ZFP91: variants seen among roughly 807,000 people sequenced by gnomAD.
ZFP91 encodes ZFP91 zinc finger protein, atypical E3 ubiquitin ligase.
In ZFP91, 7 loss-of-function variants were observed where a neutral mutation model predicts 63.5. The observed-to-expected ratio is 0.11, with a 90% CI of 0.06 to 0.21. The LOEUF (loss-of-function observed/expected upper bound fraction) is 0.21. ZFP91 is among the 10% of genes least tolerant of loss of function. The pLI is 1.00. For synonymous variants in ZFP91, 330 were observed against 272.1 expected, an observed-to-expected ratio of 1.21 and a Z score of -2.10; for missense variants, 628 against 736.6, an observed-to-expected ratio of 0.85 and a Z score of 1.71.
chr11:58,579,640 A>C lies in ZFP91; in HGVS notation c.341+18A>C, dbSNP rs763578314. 9 of 1,535,590 alleles carry C rather than the reference A, an allele frequency of 5.9e-6. No homozygotes were observed. Among genetic ancestry groups the C allele is most frequent in the Non-Finnish European group, 7.8e-6 (9 of 1,148,612 alleles). On this transcript the variant is annotated intron_variant, in intron 1 of 10. Coordinates refer to ENST00000316059, the MANE Select transcript of ZFP91 (RefSeq NM_053023.5). ...CGACTCCTGTGAGTAACAGTCTTTC[A>C]GGCGGTGGGAAAGACCCCCCTCTGT... is the stretch of plus-strand genomic sequence containing the variant.
Position 58,579,392 on chromosome 11 carries a change from C to G in ZFP91, c.111C>G (p.Val37=). Residue 37 remains valine, a synonymous_variant, in exon 1 of 11, where the codon GTC becomes GTG. Transcript: ENST00000316059. ...CCCAACAACGGCCCCCTGAGGCGGT[C>G]GCGGCGGCGCCTGCAGGGACCACTA... ...EEPQQRPPEA[V]AAAPAGTTSS... 6.8e-7 allele frequency: 1 copy of G among 1,473,824 alleles called. No homozygotes were observed. The highest frequency in any genetic ancestry group is 1.3e-5 in the South Asian group (1 of 76,552). The allele number at this position is 1,473,824 out of a possible 1,614,324, so 91.3% of individuals were successfully genotyped here. A position where few individuals can be genotyped will look rare whatever the true frequency, so the allele number is the denominator to read the frequency against.
At chr11:58,606,081 G>A (rs940322774) in intron 2 of ZFP91, among the ~76,000 whole-genome samples, 29 of 151,888 alleles carry the variant, frequency 1.9e-4, no homozygotes, top group Admixed American at 1.7e-3. Context: ...TTGTGGGGGG[G>A]GTGTGGTTTC....
chr11:58,586,138 T>G (rs969953561), intron 2 of ZFP91, among the ~76,000 whole-genome samples: 1 of 152,200 alleles, frequency 6.6e-6, no homozygotes, highest in Non-Finnish European at 1.5e-5. Flanking sequence ...TTTGGAGATT[T>G]TATGATGTGG....
At position 58,617,086 on chromosome 11, in the gene ZFP91, G is replaced by A. The variant is rs1344391260; in HGVS notation, c.1203-110G>A. On this transcript the variant is annotated intron_variant, in intron 10 of 10. Transcript: ENST00000316059. The surrounding 1 kb of genome is among the most constrained non-coding windows in gnomAD (Gnocchi z 4.2). ...TACTGATTATTGTGTGTGTGTGTGT[G>A]TGTGTGTGTGTGTATGTATATATAT... The A allele has an allele frequency of 2.1e-6, 2 of 959,280 alleles. No homozygotes were observed. The highest frequency in any genetic ancestry group is 2.6e-5 in the Admixed American group (1 of 38,214). 59.4% of individuals were successfully genotyped at this position (959,280 alleles called of 1,614,324 possible).
At position 58,618,680 on chromosome 11, in the gene ZFP91, A is replaced by G; in HGVS notation, c.*974A>G. On this transcript the variant is annotated 3_prime_UTR_variant, in exon 11 of 11. Transcript: ENST00000316059. ...CTTCCATAACAGGTACTTTGAAGGCAAGACATAGGGTTGAAGAAGCACAGC... is the reference window on the plus strand; with the variant it reads ...CTTCCATAACAGGTACTTTGAAGGCGAGACATAGGGTTGAAGAAGCACAGC... 2.2e-6 allele frequency: 1 copy of G among 456,918 alleles called. No individual in the cohort carries two copies. Among genetic ancestry groups the G allele is most frequent in the South Asian group, 1.5e-5 (1 of 64,550 alleles). 28.3% of individuals were successfully genotyped at this position (456,918 alleles called of 1,614,324 possible).
At chr11:58,581,349 G>A (rs573077104) in intron 1 of ZFP91, among the ~76,000 whole-genome samples, 25 of 152,208 alleles carry the variant, frequency 1.6e-4, no homozygotes, top group African/African-American at 5.5e-4. Flanking sequence ...TGTCTAAAAT[G>A]GTACCTGCTG....
At chr11:58,586,199 A>G (rs928190010) in intron 2 of ZFP91, among the ~76,000 whole-genome samples, 4 of 152,212 alleles carry the variant, frequency 2.6e-5, no homozygotes, top group Non-Finnish European at 5.9e-5. Flanking sequence ...TTAAAACAAA[A>G]AGCAACCTGC....
rs748235828 is a variant in ZFP91 at position 58,579,613 on chromosome 11, C to G, written c.332C>G (p.Pro111Arg). 6.4e-7 allele frequency: 1 copy of G among 1,570,798 alleles called. No homozygotes were observed. Among genetic ancestry groups the G allele is most frequent in the South Asian group, 1.1e-5 (1 of 87,558 alleles). ...TCTCCAGTTCAGGGCAAGAAGAGTC[C>G]GCGACTCCTGTGAGTAACAGTCTTT... is the stretch of plus-strand genomic sequence containing the variant. ...SPSPVQGKKS[P>R]RLLCIEKVTT... The change falls in exon 1 of 11, where the codon CCG (proline) becomes CGG (arginine). Residue 111 changes from proline (P) to arginine (R), a missense_variant. By Grantham distance (103) the Pro-to-Arg change is moderately radical. Around this residue, in one of 3 missense-constraint regions of ZFP91, gnomAD observed 437 missense variants for 380.3 expected, o/e 1.15. Transcript: ENST00000316059.
At chr11:58,589,615 C>A (rs1456036949) in intron 2 of ZFP91, among the ~76,000 whole-genome samples, 1 of 152,198 alleles carries the variant, frequency 6.6e-6, no homozygotes, top group African/African-American at 2.4e-5. Flanking sequence ...AATGTTCAAG[C>A]CTCAAAGGCT....
chr11:58,581,471 C>T (rs1855115177), intron 1 of ZFP91, among the ~76,000 whole-genome samples: 1 of 152,178 alleles, frequency 6.6e-6, no homozygotes, highest in African/African-American at 2.4e-5. Flanking sequence ...AGCAATTCTC[C>T]TGCCTCGTCA....
intron 2 of ZFP91, among the ~76,000 whole-genome samples, chr11:58,604,554 G>C (rs1339028259): frequency 1.3e-5 from 2 of 152,152 alleles, no homozygotes; most frequent in African/African-American, 2.4e-5. Flanking sequence ...CATTATTTCA[G>C]CTCTCTCTTG....
At chr11:58,602,201 G>T (rs1429916013) in intron 2 of ZFP91, among the ~76,000 whole-genome samples, 1 of 152,194 alleles carries the variant, frequency 6.6e-6, no homozygotes, top group Admixed American at 6.5e-5. Flanking sequence ...GGGATTACAG[G>T]TGTGAGCCAC....
rs1855813802 is a variant in ZFP91 at position 58,619,651 on chromosome 11, C to G, written c.*1945C>G. The G allele has an allele frequency of 6.6e-6, 1 of 152,572 alleles. No homozygotes were observed. The allele number at this position is 152,572 out of a possible 1,614,324, so 9.5% of individuals were successfully genotyped here. ...TGCCAGGGAACAGAGAGTGAGACAC[C>G]TACAATCACCAGTCTCAAATGCGCT... On this transcript the variant is annotated 3_prime_UTR_variant, in exon 11 of 11. Coordinates refer to ENST00000316059, the MANE Select transcript of ZFP91 (RefSeq NM_053023.5).
In ZFP91 at chr11:58,609,812, G is replaced by GT; in HGVS notation, c.371-17dup. On this transcript the variant is annotated splice_polypyrimidine_tract_variant and intron_variant, in intron 2 of 10. Coordinates refer to ENST00000316059, the MANE Select transcript of ZFP91 (RefSeq NM_053023.5). ...GTTAACTGTAAACTTAAAGAGAATG[G>GT]TATGTCTTTTTATTTAGATCCCAAG... 6.2e-7 allele frequency: 1 copy of GT among 1,607,420 alleles called. No homozygotes were observed. The highest frequency in any genetic ancestry group is 2.2e-5 in the East Asian group (1 of 44,830).
At chr11:58,599,654 G>T (rs1195762194) in intron 2 of ZFP91, among the ~76,000 whole-genome samples, 1 of 151,874 alleles carries the variant, frequency 6.6e-6, no homozygotes, top group Non-Finnish European at 1.5e-5. Flanking sequence ...GAAATAATCT[G>T]TTTAGGTTCT....
In ZFP91 at chr11:58,611,622, G is replaced by A. The variant is rs2093963600; in HGVS notation, c.741G>A (p.Arg247=). ...TTTTCAGGGAAACCCCAAAGCCACG[G>A]AGAAAATCAGGGAAGGTAAAAGAAG... The part of the protein sequence containing the change: ...PHLERETPKP[R]RKSGKVKEEK... The change falls in exon 6 of 11, where the codon CGG becomes CGA. Residue 247 remains arginine (R), a synonymous_variant. Coordinates refer to ENST00000316059, the MANE Select transcript of ZFP91 (RefSeq NM_053023.5). 6.2e-7 allele frequency: 1 copy of A among 1,612,418 alleles called. No homozygotes were observed. The highest frequency in any genetic ancestry group is 1.3e-5 in the African/African-American group (1 of 74,852).
Position 58,617,793 on chromosome 11 carries a change from ATC to A in ZFP91, c.*89_*90del, listed in dbSNP as rs1424215648. The A allele has an allele frequency of 7.0e-7, 1 of 1,431,388 alleles. No individual in the cohort carries two copies. The highest frequency in any genetic ancestry group is 2.5e-5 in the East Asian group (1 of 39,978). The allele number at this position is 1,431,388 out of a possible 1,614,324, so 88.7% of individuals were successfully genotyped here. On this transcript the variant is annotated 3_prime_UTR_variant, in exon 11 of 11. Coordinates refer to ENST00000316059, the MANE Select transcript of ZFP91 (RefSeq NM_053023.5). The surrounding 1 kb of genome is among the most constrained non-coding windows in gnomAD (Gnocchi z 4.2). ...AAAAAAAAAATCTAAAGCATTTAAA[ATC>A]TAGTGAAATAACTGAAGGGCCTGCT...
chr11:58,612,429 A>T, intron 7 of ZFP91, 101 bp downstream of exon 7: 1 of 1,257,430 alleles, frequency 8.0e-7, no homozygotes, highest in Non-Finnish European at 1.1e-6. Context: ...ATGGCTATTT[A>T]AAAATTTCAC....
At chr11:58,591,639 G>A (rs1855308025) in intron 2 of ZFP91, among the ~76,000 whole-genome samples, 1 of 152,054 alleles carries the variant, frequency 6.6e-6, no homozygotes, top group Non-Finnish European at 1.5e-5. Flanking sequence ...TCTACTTTCT[G>A]TCTGTATAGA....
Sources: allele counts gnomAD v4.1 joint callset (sites outside exome capture counted in the v4.1 genomes callset), GRCh38; gene constraint gnomAD v4.1.1; regional missense constraint gnomAD v4.1.1; non-coding constraint Gnocchi (gnomAD v3.1); transcripts MANE v1.5; gene names NCBI Gene and HGNC (gene_info 2026-07-23, HGNC 2026-07-21).